Variants in FNDC3B observed in about 807,000 individuals in gnomAD.
FNDC3B encodes fibronectin type III domain containing 3B.
In FNDC3B, 12 loss-of-function variants were observed where a neutral mutation model predicts 151.5. The ratio of observed to expected loss-of-function variants is 0.08; its 90% confidence interval spans 0.05 to 0.13. The LOEUF (loss-of-function observed/expected upper bound fraction) is 0.13. FNDC3B is among the 10% of genes least tolerant of loss of function. The pLI is 1.00. For missense variants in FNDC3B, 1,214 were observed against 1,505.3 expected (o/e 0.81, Z 3.20); for synonymous variants, 528 against 549.0 (o/e 0.96, Z 0.54).
chr3:172,281,364 C>T (rs1417130614), intron 6 of FNDC3B, among the ~76,000 whole-genome samples: 1 of 152,100 alleles, frequency 6.6e-6, no homozygotes, highest in African/African-American at 2.4e-5. Context: ...CCTGCCTAAG[C>T]CTCCTGAGTA....
intron 25 of FNDC3B, among the ~76,000 whole-genome samples, chr3:172,389,293 T>C (rs1377458670): frequency 2.0e-5 from 3 of 152,196 alleles, no homozygotes; most frequent in African/African-American, 7.2e-5. Context: ...GTTACTTTCT[T>C]TGAACCTGAA....
chr3:172,297,192 T>A (rs1730658272), intron 8 of FNDC3B, among the ~76,000 whole-genome samples: 1 of 152,190 alleles, frequency 6.6e-6, no homozygotes, highest in South Asian at 2.1e-4. Flanking sequence ...CAAACTTCCC[T>A]GTTATTAAAT....
chr3:172,071,208 A>G (rs1359799653), intron 1 of FNDC3B, among the ~76,000 whole-genome samples: 4 of 152,226 alleles, frequency 2.6e-5, no homozygotes, highest in African/African-American at 9.6e-5. Context: ...ATGTGTTTTC[A>G]GTCATTATAT....
At chr3:172,078,688 A>G (rs1451383760) in intron 1 of FNDC3B, among the ~76,000 whole-genome samples, 1 of 152,222 alleles carries the variant, frequency 6.6e-6, no homozygotes, top group Non-Finnish European at 1.5e-5. Context: ...TGTAGATGAG[A>G]AAACAGTGGT....
chr3:172,258,230 G>C (rs559969393), intron 6 of FNDC3B, among the ~76,000 whole-genome samples: 57 of 152,274 alleles, frequency 3.7e-4, no homozygotes, highest in African/African-American at 1.2e-3. Context: ...AGACTCAGTT[G>C]CATTTTAGAT....
intron 3 of FNDC3B, among the ~76,000 whole-genome samples, chr3:172,198,829 T>C (rs956922662): frequency 6.6e-6 from 1 of 152,196 alleles, no homozygotes; most frequent in Non-Finnish European, 1.5e-5. Flanking sequence ...AAGAGCTCTT[T>C]TCTTTTCCAT....
At chr3:172,254,192 A>C (rs1349282166) in intron 6 of FNDC3B, among the ~76,000 whole-genome samples, 1 of 152,228 alleles carries the variant, frequency 6.6e-6, no homozygotes, top group Non-Finnish European at 1.5e-5. Context: ...CAAACAACTC[A>C]TGTTAATATA....
Position 172,380,997 on chromosome 3 carries a change from A to G in FNDC3B, c.3207A>G (p.Ser1069=). The G allele has an allele frequency of 6.2e-7, 1 of 1,613,742 alleles. No homozygotes were observed. Among genetic ancestry groups the G allele is most frequent in the Non-Finnish European group, 8.5e-7 (1 of 1,179,686 alleles). The change falls in exon 25 of 26, where the codon TCA becomes TCG. Residue 1069 remains serine (S), a synonymous_variant. Transcript: ENST00000415807. ...APRVTQLEGN[S]CEILWETVPS... ...GAGTAACACAGTTAGAAGGAAATTCATGTGAAATTTTATGGGAGACGGTAC... is the reference window on the plus strand; with the variant it reads ...GAGTAACACAGTTAGAAGGAAATTCGTGTGAAATTTTATGGGAGACGGTAC...
chr3:172,222,895 C>A (rs1405659430), intron 3 of FNDC3B, among the ~76,000 whole-genome samples: 2 of 152,182 alleles, frequency 1.3e-5, no homozygotes, highest in Non-Finnish European at 2.9e-5. Context: ...GGTGGAGGCT[C>A]AGGAGCTCTC....
At chr3:172,374,829 G>A (rs748718086) in intron 23 of FNDC3B, among the ~76,000 whole-genome samples, 2 of 152,162 alleles carry the variant, frequency 1.3e-5, no homozygotes, top group African/African-American at 2.4e-5. Context: ...AGTCTACAGA[G>A]CCAATTCCAG....
At chr3:172,048,338 A>G (rs987633640) in intron 1 of FNDC3B, among the ~76,000 whole-genome samples, 1 of 152,218 alleles carries the variant, frequency 6.6e-6, no homozygotes, top group African/African-American at 2.4e-5. Context: ...TCAATGGGAA[A>G]GAAAATAATA....
At chr3:172,126,404 G>GTA (rs1720811743) in intron 2 of FNDC3B, among the ~76,000 whole-genome samples, 1 of 152,170 alleles carries the variant, frequency 6.6e-6, no homozygotes, top group Non-Finnish European at 1.5e-5. Context: ...GTCAGTGTGT[G>GTA]TATGTCCTCA....
chr3:172,110,493 C>T (rs1403133247), intron 1 of FNDC3B, among the ~76,000 whole-genome samples: 1 of 151,920 alleles, frequency 6.6e-6, no homozygotes, highest in African/African-American at 2.4e-5. Flanking sequence ...AATAGAAGGA[C>T]CTATGGAGGC....
At chr3:172,133,017 TA>T (rs2108572825) in intron 2 of FNDC3B, among the ~76,000 whole-genome samples, 1 of 152,350 alleles carries the variant, frequency 6.6e-6, no homozygotes, top group East Asian at 1.9e-4. Context: ...ATTTTTCTTG[TA>T]AATATTTTTT....
At chr3:172,045,539 G>T (rs1055768719) in intron 1 of FNDC3B, among the ~76,000 whole-genome samples, 10 of 152,128 alleles carry the variant, frequency 6.6e-5, no homozygotes, top group African/African-American at 2.4e-4. Context: ...TTACAGCTGA[G>T]AATGGAAAAG....
chr3:172,167,701 A>G (rs1021635525), intron 3 of FNDC3B, among the ~76,000 whole-genome samples: 1 of 152,200 alleles, frequency 6.6e-6, no homozygotes, highest in Non-Finnish European at 1.5e-5. Context: ...GCAGGAGGTG[A>G]GTGGCAGGCA....
intron 9 of FNDC3B, among the ~76,000 whole-genome samples, chr3:172,303,407 G>A (rs994117438): frequency 2.0e-5 from 3 of 152,108 alleles, no homozygotes; most frequent in South Asian, 4.1e-4. Context: ...TGGTTGACAA[G>A]CACAGTGAAG....
At chr3:172,226,492 T>G (rs1234896464) in intron 3 of FNDC3B, among the ~76,000 whole-genome samples, 1 of 152,166 alleles carries the variant, frequency 6.6e-6, no homozygotes, top group Non-Finnish European at 1.5e-5. Context: ...ATTTTATAAT[T>G]GATTTGTTTA....
At chr3:172,137,514 G>C (rs1468304641) in intron 3 of FNDC3B, among the ~76,000 whole-genome samples, 1 of 152,142 alleles carries the variant, frequency 6.6e-6, no homozygotes, top group African/African-American at 2.4e-5. Context: ...AAATTAGTCA[G>C]GTGTGGTGGT....
Sources: allele counts gnomAD v4.1 joint callset (sites outside exome capture counted in the v4.1 genomes callset), GRCh38; gene constraint gnomAD v4.1.1; transcripts MANE v1.5; gene names NCBI Gene and HGNC (gene_info 2026-07-23, HGNC 2026-07-21).